RIN2: variants seen among roughly 807,000 people sequenced by gnomAD.
The protein encoded by RIN2 is Ras and Rab interactor 2, also known as RAB5 interacting protein 2.
In RIN2, 36 loss-of-function variants were observed where a neutral mutation model predicts 78.0. The observed-to-expected ratio is 0.46, with a 90% CI of 0.35 to 0.61. The LOEUF (loss-of-function observed/expected upper bound fraction) is 0.61, where lower values mean the gene tolerates loss of function less well. Among genes scored for constraint, RIN2 ranks in the 20% least tolerant of loss-of-function variants. The probability of loss-of-function intolerance (pLI) is 0.00; values close to 1 mark genes in which losing one functional copy is unlikely to be tolerated. For synonymous variants in RIN2, 466 were observed against 466.8 expected, an observed-to-expected ratio of 1.00 and a Z score of 0.02; for missense variants, 1,087 against 1,159.7, an observed-to-expected ratio of 0.94 and a Z score of 0.91.
chr20:19,830,458 C>T (rs746291730), intron 2 of RIN2, among the ~76,000 whole-genome samples: 3 of 152,144 alleles, frequency 2.0e-5, no homozygotes. Flanking sequence ...TGAGGGATAC[C>T]TTAATAATAT....
chr20:19,805,247 G>A (rs1600496155), intron 2 of RIN2, among the ~76,000 whole-genome samples: 1 of 152,114 alleles, frequency 6.6e-6, no homozygotes, highest in Non-Finnish European at 1.5e-5. Flanking sequence ...GCATACGGAG[G>A]GCAAAGAGGC....
At position 19,965,033 on chromosome 20, in the gene RIN2, T is replaced by A; in HGVS notation, c.536+9T>A. ...TTCTACTGCATCAGCAGGTAAGGCC[T>A]CTTCCTCTCATATGGTTTCAAGGCC... On this transcript the variant is annotated intron_variant, in intron 7 of 12. Transcript: ENST00000255006. The A allele has an allele frequency of 3.1e-6, 5 of 1,608,172 alleles. No homozygotes were observed. The highest frequency in any genetic ancestry group is 4.3e-6 in the Non-Finnish European group (5 of 1,175,684).
intron 9 of RIN2, among the ~76,000 whole-genome samples, chr20:19,987,723 G>A (rs2042665956): frequency 6.6e-6 from 1 of 152,176 alleles, no homozygotes; most frequent in Admixed American, 6.5e-5. Flanking sequence ...AGTTGCACGA[G>A]CTTATTAACA....
chr20:19,986,097 T>C (rs35918302), intron 9 of RIN2, among the ~76,000 whole-genome samples: 59,490 of 151,966 alleles, frequency 0.39, 14,017 homozygotes, highest in East Asian at 0.72. Context: ...TAGAAAAAAA[T>C]GGAGAGTAGT....
At chr20:19,771,768 A>AATGT (rs2034132197) in intron 1 of RIN2, among the ~76,000 whole-genome samples, 1 of 152,084 alleles carries the variant, frequency 6.6e-6, no homozygotes, top group Non-Finnish European at 1.5e-5. Context: ...ACGCTCTGAC[A>AATGT]GCAGCTTTTC....
At chr20:19,998,711 T>C (rs1212232578) in intron 12 of RIN2, among the ~76,000 whole-genome samples, 1 of 152,154 alleles carries the variant, frequency 6.6e-6, no homozygotes, top group Admixed American at 6.5e-5. Flanking sequence ...CTGGAGCGCA[T>C]AAACCTAAAG....
Position 19,983,600 on chromosome 20 carries a change from T to C in RIN2, c.1763-6406T>C, listed in dbSNP as rs566295851. On this transcript the variant is annotated intron_variant, in intron 9 of 12. Transcript: ENST00000255006. Reference sequence around the variant, plus strand: ...AGCTTCTATTTCTACTACTTTACCTTTTTAAAAAAAAATCAGAATGCTAGA... The same window carrying C: ...AGCTTCTATTTCTACTACTTTACCTCTTTAAAAAAAAATCAGAATGCTAGA... 2.0e-4 allele frequency among the ~76,000 whole-genome samples: 27 copies of C among 133,470 alleles called. No homozygotes were observed. The East Asian group carries it at 2.6e-3, about 13-fold the overall frequency. The allele number at this position is 133,470 out of a possible 152,430, so 87.6% of individuals were successfully genotyped here.
rs1481790780 is a variant in RIN2, at chr20:19,975,575, G to A, written c.1550G>A (p.Arg517Lys). 6.2e-7 allele frequency: 1 copy of A among 1,614,022 alleles called. No individual in the cohort carries two copies. The highest frequency in any genetic ancestry group is 1.1e-5 in the South Asian group (1 of 91,088). ...ACCCCGGAGAAGCGGATGGTCCGCA[G>A]GATCGCCGAGCTTTCCCGGGACAAA... Reference protein sequence around the residue: ...FMTPEKRMVRRIAELSRDKCT... With the variant: ...FMTPEKRMVRKIAELSRDKCT... The change falls in exon 9 of 13, where the codon AGG (arginine) becomes AAG (lysine). Residue 517 changes from arginine to lysine, a missense_variant. By Grantham distance (26) the Arg-to-Lys change is conservative. Coordinates refer to ENST00000255006, the MANE Select transcript of RIN2 (RefSeq NM_018993.4). The surrounding 1 kb of genome is among the most constrained non-coding windows in gnomAD (Gnocchi z 4.9).
intron 3 of RIN2, among the ~76,000 whole-genome samples, chr20:19,903,105 TAAATA>T (rs1392002710): frequency 5.9e-5 from 9 of 152,022 alleles, no homozygotes; most frequent in African/African-American, 2.2e-4. Flanking sequence ...AAAAATAAAA[TAAATA>T]AAAATAAAAT....
intron 2 of RIN2, chr20:19,886,612 C>CTTTTTTTTTTTT (rs11362637): frequency 9.0e-5 from 47 of 520,950 alleles, no homozygotes; most frequent in South Asian, 2.1e-4. Flanking sequence ...TCTTCTTCTT[C>CTTTTTTTTTTTT]TTTTTTTTTT....
At chr20:19,786,889 T>A (rs1203184427) in intron 1 of RIN2, among the ~76,000 whole-genome samples, 1 of 152,238 alleles carries the variant, frequency 6.6e-6, no homozygotes, top group Non-Finnish European at 1.5e-5. Flanking sequence ...TATTTTCCAG[T>A]GATTTTCTGT....
intron 2 of RIN2, among the ~76,000 whole-genome samples, chr20:19,832,582 TACCAGACA>T (rs1165482914): frequency 6.6e-6 from 1 of 151,720 alleles, no homozygotes; most frequent in African/African-American, 2.4e-5. Context: ...CGGGGCCAGG[TACCAGACA>T]ACCAGGGACA....
At chr20:19,965,229 C>T (rs1029407033) in intron 7 of RIN2, among the ~76,000 whole-genome samples, 2 of 152,110 alleles carry the variant, frequency 1.3e-5, no homozygotes, top group Admixed American at 6.5e-5. Flanking sequence ...ACGACTATCC[C>T]AACCCCTCCA....
At chr20:19,858,802 AGGGTAAATGTTT>A (rs1456708584) in intron 2 of RIN2, among the ~76,000 whole-genome samples, 4 of 152,154 alleles carry the variant, frequency 2.6e-5, no homozygotes, top group Non-Finnish European at 5.9e-5. Context: ...CCTACAATCA[AGGGTAAATGTTT>A]GGGTCTGCTT....
chr20:19,848,534 C>CAAAAAAAAAAAAAAAAAA (rs11352724), intron 2 of RIN2, among the ~76,000 whole-genome samples: 4 of 52,830 alleles, frequency 7.6e-5, no homozygotes, highest in African/African-American at 2.3e-4. Context: ...GACTCCATCT[C>CAAAAAAAAAAAAAAAAAA]AAAAAAAAAA....
chr20:19,825,443 C>T (rs1450137986), intron 2 of RIN2, among the ~76,000 whole-genome samples: 1 of 152,160 alleles, frequency 6.6e-6, no homozygotes, highest in Non-Finnish European at 1.5e-5. Flanking sequence ...AGACAGCTCT[C>T]CTGCCCTACT....
At chr20:19,992,368 A>G in intron 11 of RIN2, 69 bp downstream of exon 11, 1 of 1,415,854 alleles carries the variant, frequency 7.1e-7, no homozygotes, top group East Asian at 2.5e-5. Flanking sequence ...ATTGAGACGA[A>G]ATTCATGTCA....
chr20:19,969,191 T>C (rs963311141), intron 7 of RIN2, among the ~76,000 whole-genome samples: 1 of 152,252 alleles, frequency 6.6e-6, no homozygotes, highest in African/African-American at 2.4e-5. Flanking sequence ...ATCTGGTTTA[T>C]CCAAGAATGT....
At chr20:19,877,155 G>A (rs1195737521) in intron 2 of RIN2, among the ~76,000 whole-genome samples, 1 of 152,154 alleles carries the variant, frequency 6.6e-6, no homozygotes, top group East Asian at 1.9e-4. Flanking sequence ...TGGAGATGCT[G>A]TTACAACCAC....
Sources: allele counts gnomAD v4.1 joint callset (sites outside exome capture counted in the v4.1 genomes callset), GRCh38; gene constraint gnomAD v4.1.1; non-coding constraint Gnocchi (gnomAD v3.1); transcripts MANE v1.5; gene names NCBI Gene and HGNC (gene_info 2026-07-23, HGNC 2026-07-21).